ANK1: variants seen among roughly 807,000 people sequenced by gnomAD.
The protein encoded by ANK1 is ankyrin 1.
ANK1 carries 51 observed loss-of-function variants against 210.4 expected under a neutral mutation model. The ratio of observed to expected loss-of-function variants is 0.24; its 90% CI spans 0.19 to 0.31. ANK1 has a LOEUF of 0.31. Ranked by LOEUF, ANK1 falls within the 10% of genes least tolerant of loss-of-function variation. ANK1 has a pLI of 1.00. For synonymous variants in ANK1, 967 were observed against 1,025.9 expected (o/e 0.94, Z 1.10); for missense variants, 2,051 against 2,504.4 (o/e 0.82, Z 3.86).
chr8:41,812,554 G>T (rs766292608), intron 1 of ANK1, among the ~76,000 whole-genome samples: 1 of 152,188 alleles, frequency 6.6e-6, no homozygotes, highest in Non-Finnish European at 1.5e-5. Context: ...ATTACTGTAG[G>T]TTTCTTTCAT....
intron 1 of ANK1, among the ~76,000 whole-genome samples, chr8:41,758,607 G>A (rs530205053): frequency 2.4e-4 from 37 of 152,128 alleles, no homozygotes; most frequent in Middle Eastern, 3.4e-3. Flanking sequence ...CTCCCAAAGT[G>A]TTGGGATTAC....
chr8:41,682,392 G>T (rs897673784), intron 37 of ANK1, among the ~76,000 whole-genome samples: 1 of 152,262 alleles, frequency 6.6e-6, no homozygotes, highest in Non-Finnish European at 1.5e-5. Flanking sequence ...TTAACTGCTG[G>T]TGTGTGATAC....
At chr8:41,688,673 G>T (rs930495752) in intron 33 of ANK1, 84 bp from the exon 34 acceptor site, 2 of 1,274,550 alleles carry the variant, frequency 1.6e-6, no homozygotes, top group Non-Finnish European at 2.3e-6. Flanking sequence ...TGCTGCAGGG[G>T]TGTGGAAGGC....
chr8:41,693,627 G>A (rs1297247947), intron 29 of ANK1, among the ~76,000 whole-genome samples: 4 of 151,744 alleles, frequency 2.6e-5, no homozygotes, highest in African/African-American at 7.3e-5. Context: ...TAGTAGAGAC[G>A]GGGTTTCTCC....
At chr8:41,701,446 G>T in intron 22 of ANK1, 104 bp downstream of exon 22, 1 of 994,150 alleles carries the variant, frequency 1.0e-6, no homozygotes, top group Non-Finnish European at 1.6e-6. Context: ...TAGTGCTTGG[G>T]CGTGTTGTAA....
intron 1 of ANK1, among the ~76,000 whole-genome samples, chr8:41,785,177 T>A (rs1298201803): frequency 1.3e-5 from 2 of 151,930 alleles, no homozygotes; most frequent in African/African-American, 4.8e-5. Flanking sequence ...GGGCAACACA[T>A]CAAGACCTCT....
intron 1 of ANK1, among the ~76,000 whole-genome samples, chr8:41,869,186 G>A (rs371947875): frequency 4.0e-5 from 6 of 149,604 alleles, no homozygotes; most frequent in African/African-American, 1.5e-4. Context: ...CTAAAACTGC[G>A]TGGTTGGACC....
chr8:41,885,019 G>A (rs972367339), intron 1 of ANK1, among the ~76,000 whole-genome samples: 1 of 151,948 alleles, frequency 6.6e-6, no homozygotes, highest in Non-Finnish European at 1.5e-5. Flanking sequence ...GGAAAGCAAC[G>A]GAAGGGTTTT....
At chr8:41,695,967 C>G (rs746565473) in intron 26 of ANK1, among the ~76,000 whole-genome samples, 1 of 152,270 alleles carries the variant, frequency 6.6e-6, no homozygotes, top group Non-Finnish European at 1.5e-5. Flanking sequence ...TTACTGGGAA[C>G]TCTCAGTGCA....
At chr8:41,682,632 G>A (rs900652342) in intron 37 of ANK1, among the ~76,000 whole-genome samples, 1 of 152,224 alleles carries the variant, frequency 6.6e-6, no homozygotes, top group Non-Finnish European at 1.5e-5. Context: ...GAACCACTCG[G>A]GCAAGAATGC....
Position 41,757,321 on chromosome 8 carries a change from G to A in ANK1, c.129+715C>T, listed in dbSNP as rs527815191. Among the ~76,000 whole-genome samples the A allele has an allele frequency of 5.3e-5, 8 of 152,250 alleles. No homozygotes were observed. The South Asian group carries it at 1.7e-3, about 32-fold the overall frequency. On this transcript the variant is annotated intron_variant, in intron 2 of 42. Coordinates refer to ENST00000289734, the MANE Select transcript of ANK1 (RefSeq NM_000037.4). The stretch of plus-strand genomic sequence containing the variant: ...TGTAACTAAACAACTTAATTGGCAG[G>A]CAAATATCTACAAACAAACAAAACC...
At chr8:41,744,757 G>A (rs766227795) in intron 2 of ANK1, among the ~76,000 whole-genome samples, 4 of 152,036 alleles carry the variant, frequency 2.6e-5, no homozygotes, top group East Asian at 1.9e-4. Context: ...GGATGGTCTC[G>A]ATCTCCTGAC....
chr8:41,688,588 C>T lies in ANK1; in HGVS notation c.4106G>A (p.Gly1369Glu), dbSNP rs1029147697. 6.2e-7 allele frequency: 1 copy of T among 1,614,090 alleles called. No individual in the cohort carries two copies. Among genetic ancestry groups the T allele is most frequent in the South Asian group, 1.1e-5 (1 of 91,068 alleles). ...CCTTCTCCTATCTTCGGCTCCACTTCCCTGCAGAAGAAGAAAGGGTGCTTT... is the reference window on the plus strand; with the variant it reads ...CCTTCTCCTATCTTCGGCTCCACTTTCCTGCAGAAGAAGAAAGGGTGCTTT... ...LNITMPPCAK[G>E]SGAEDRRRTP... Residue 1369 changes from glycine to glutamate, a missense_variant and splice_region_variant, in exon 34 of 43, where the codon GGA becomes GAA. Gly to Glu is a moderately conservative substitution (Grantham distance 98). Coordinates refer to ENST00000289734, the MANE Select transcript of ANK1 (RefSeq NM_000037.4).
intron 1 of ANK1, among the ~76,000 whole-genome samples, chr8:41,818,277 C>T (rs993298730): frequency 2.0e-5 from 3 of 152,158 alleles, no homozygotes; most frequent in African/African-American, 7.2e-5. Context: ...AAATCAGGGG[C>T]CCAGAGCTCC....
At chr8:41,662,868 T>G (rs963243534) in intron 40 of ANK1, among the ~76,000 whole-genome samples, 1 of 152,124 alleles carries the variant, frequency 6.6e-6, no homozygotes. Flanking sequence ...GGCAAGGTCA[T>G]GTCTCTGAGT....
At chr8:41,869,710 G>A (rs963394014) in intron 1 of ANK1, among the ~76,000 whole-genome samples, 3 of 152,196 alleles carry the variant, frequency 2.0e-5, no homozygotes, top group Non-Finnish European at 2.9e-5. Context: ...TGTGCCTGCC[G>A]AGGCCTGGGG....
chr8:41,750,404 C>A (rs1426580991), intron 2 of ANK1, among the ~76,000 whole-genome samples: 1 of 152,202 alleles, frequency 6.6e-6, no homozygotes, highest in Non-Finnish European at 1.5e-5. Context: ...GTGGGGCTAA[C>A]GCCAGCATCT....
At chr8:41,761,166 C>T (rs1387142908) in intron 1 of ANK1, among the ~76,000 whole-genome samples, 6 of 150,576 alleles carry the variant, frequency 4.0e-5, no homozygotes, top group Non-Finnish European at 8.9e-5. Flanking sequence ...TATGTGTATG[C>T]ACACATGCAC....
intron 1 of ANK1, among the ~76,000 whole-genome samples, chr8:41,786,189 C>G (rs1414057022): frequency 6.6e-6 from 1 of 152,188 alleles, no homozygotes; most frequent in African/African-American, 2.4e-5. Context: ...ACCACAGACT[C>G]TGAAAGAAGA....
Sources: gnomAD v4.1 joint callset for allele counts (sites outside exome capture counted in the v4.1 genomes callset) on GRCh38, gnomAD v4.1.1 for gene constraint, MANE v1.5 for transcripts, NCBI Gene and HGNC (gene_info 2026-07-23, HGNC 2026-07-21) for gene names.